The following USP42 variants were observed in gnomAD, a reference collection of about 807,000 sequenced individuals.
USP42 encodes ubiquitin carboxyl-terminal hydrolase 42.
A neutral mutation model predicts 113.0 loss-of-function variants in USP42; 23 were observed. The ratio of observed to expected loss-of-function variants is 0.20; its 90% confidence interval spans 0.15 to 0.29. The LOEUF is 0.29. Ranked by LOEUF, USP42 falls within the 10% of genes least tolerant of loss-of-function variation. The probability of loss-of-function intolerance (pLI) is 1.00; values close to 1 mark genes in which losing one functional copy is unlikely to be tolerated. For missense variants in USP42, 2,174 were observed against 1,779.8 expected, an observed-to-expected ratio of 1.22 and a Z score of -3.99; for synonymous variants, 933 against 699.0, an observed-to-expected ratio of 1.33 and a Z score of -5.28.
chr7:6,152,943 CT>C (rs1294744407), intron 14 of USP42: 1 of 977,414 alleles, frequency 1.0e-6, no homozygotes, highest in Non-Finnish European at 1.2e-6. Context: ...CATCACTGGA[CT>C]TTTTTTCTTT....
At chr7:6,108,981 A>G (rs1416040593) in intron 1 of USP42, among the ~76,000 whole-genome samples, 1 of 152,222 alleles carries the variant, frequency 6.6e-6, no homozygotes, top group Non-Finnish European at 1.5e-5. Context: ...GGATGTGAAT[A>G]AGAACATGGT....
chr7:6,105,530 G>T (rs10277939), intron 1 of USP42, among the ~76,000 whole-genome samples: 6,122 of 148,260 alleles, frequency 0.041, 435 homozygotes, highest in African/African-American at 0.14. Context: ...CCCCGGGCCG[G>T]CCTCCCCGCC....
rs1215350166 is a variant in USP42 at position 6,161,528 on chromosome 7, T to G, written c.*1010T>G. 6.6e-6 allele frequency: 1 copy of G among 152,658 alleles called. No individual in the cohort carries two copies. The highest frequency in any genetic ancestry group is 2.4e-5 in the African/African-American group (1 of 41,452). The allele number at this position is 152,658 out of a possible 1,614,324, so 9.5% of individuals were successfully genotyped here. On this transcript the variant is annotated 3_prime_UTR_variant, in exon 18 of 18. Coordinates refer to ENST00000306177, the MANE Select transcript of USP42 (RefSeq NM_032172.3). ...TGCCCCACTGTAAATATACAGCATG[T>G]AAAATTTCTATAGTATATAAATGGC... is the stretch of plus-strand genomic sequence containing the variant.
upstream of USP42, among the ~76,000 whole-genome samples, chr7:6,104,315 C>T (rs142148536): frequency 4.9e-3 from 752 of 151,948 alleles, 30 homozygotes; most frequent in African/African-American, 0.017. Flanking sequence ...AACTCCTGAC[C>T]TCGTGATCCG....
intron 1 of USP42, among the ~76,000 whole-genome samples, chr7:6,107,704 C>T (rs546153232): frequency 9.9e-5 from 15 of 152,016 alleles, no homozygotes; most frequent in African/African-American, 3.1e-4. Context: ...CACCTGCGCC[C>T]GGCCTCTTCT....
rs191930676 is a variant in USP42 at position 6,149,856 on chromosome 7, C to A, written c.1660C>A (p.Pro554Thr). The A allele has an allele frequency of 1.8e-4, 286 of 1,614,044 alleles. 1 individual carries two copies. In the East Asian group the frequency reaches 3.7e-3, roughly 21 times the overall value. The change falls in exon 13 of 18, where the codon CCC becomes ACC. Residue 554 changes from proline to threonine, a missense_variant. Coordinates refer to ENST00000306177, the MANE Select transcript of USP42 (RefSeq NM_032172.3). ...NSLENPTKPV[P>T]SSTITNSAVQ... Reference sequence around the variant, plus strand: ...TTTGGAGAACCCTACCAAGCCCGTTCCCTCTTCTACCATTACCAATTCTGC... The same window carrying A: ...TTTGGAGAACCCTACCAAGCCCGTTACCTCTTCTACCATTACCAATTCTGC...
At chr7:6,119,650 G>T (rs1435131982) in intron 3 of USP42, among the ~76,000 whole-genome samples, 1 of 152,142 alleles carries the variant, frequency 6.6e-6, no homozygotes, top group East Asian at 1.9e-4. Flanking sequence ...ATTATTTTCT[G>T]ACTCACAAGC....
intron 3 of USP42, among the ~76,000 whole-genome samples, chr7:6,134,015 C>T (rs1041737043): frequency 6.6e-5 from 10 of 151,798 alleles, no homozygotes; most frequent in Admixed American, 2.0e-4. Context: ...CTCAGCCTCC[C>T]GAGTAGCTGG....
chr7:6,151,444 TG>T (rs1782042561), intron 14 of USP42, among the ~76,000 whole-genome samples: 1 of 152,240 alleles, frequency 6.6e-6, no homozygotes, highest in African/African-American at 2.4e-5. Flanking sequence ...TTTTTTTGTT[TG>T]TTTTTTTGTT....
chr7:6,146,524 T>G (rs1247076167), intron 11 of USP42, among the ~76,000 whole-genome samples: 6 of 151,638 alleles, frequency 4.0e-5, no homozygotes, highest in African/African-American at 9.7e-5. Context: ...ATTAGCCAGG[T>G]GTGGTGTTGT....
In USP42 at chr7:6,159,435, A is replaced by AC. The variant is rs756403539; in HGVS notation, c.3944-13dup. 2 of 1,613,718 alleles carry AC rather than the reference A, an allele frequency of 1.2e-6. No homozygotes were observed. Among genetic ancestry groups the AC allele is most frequent in the Non-Finnish European group, 1.7e-6 (2 of 1,179,846 alleles). ...AACCATCATTAAAATCTCTTTCCTG[A>AC]CCTTTGCTTTCTAGGTGATTGAAAA... On this transcript the variant is annotated splice_polypyrimidine_tract_variant and intron_variant, in intron 16 of 17. Coordinates refer to ENST00000306177, the MANE Select transcript of USP42 (RefSeq NM_032172.3). The surrounding 1 kb of genome is among the most constrained non-coding windows in gnomAD (Gnocchi z 4.1).
At chr7:6,160,391 C>T (rs1230974072) in intron 17 of USP42, among the ~76,000 whole-genome samples, 164 bp from the exon 18 acceptor site, 5 of 151,086 alleles carry the variant, frequency 3.3e-5, no homozygotes, top group South Asian at 4.2e-4. Context: ...CTGCCCGCAC[C>T]GCCAGTTCCC....
chr7:6,107,863 A>C (rs1345333831), intron 1 of USP42, among the ~76,000 whole-genome samples: 2 of 152,126 alleles, frequency 1.3e-5, no homozygotes, highest in Non-Finnish European at 2.9e-5. Context: ...GATTGATTTA[A>C]ATTTTCAATT....
At chr7:6,097,596 C>CT in the USP42 span, among the ~76,000 whole-genome samples, 63 of 143,262 alleles carry the variant, frequency 4.4e-4, no homozygotes, top group South Asian at 6.5e-4. Flanking sequence ...TTTTTCTTTT[C>CT]TTTTTTTTTT....
Position 6,139,782 on chromosome 7 carries a change from T to A in USP42, c.657-346T>A, listed in dbSNP as rs2128504185. On this transcript the variant is annotated intron_variant, in intron 5 of 17. Coordinates refer to ENST00000306177, the MANE Select transcript of USP42 (RefSeq NM_032172.3). The surrounding 1 kb of genome is among the most constrained non-coding windows in gnomAD (Gnocchi z 4.5). ...TGACATACTTGGGTCGGAGGAAGAC[T>A]CTCTGCCTTTTCCGCCTCCGCTCCC... is the stretch of plus-strand genomic sequence containing the variant. 5.3e-6 allele frequency: 2 copies of A among 380,330 alleles called. No individual in the cohort carries two copies. Among genetic ancestry groups the A allele is most frequent in the South Asian group, 5.0e-5 (2 of 40,078 alleles). 23.6% of individuals were successfully genotyped at this position (380,330 alleles called of 1,614,324 possible).
At chr7:6,116,983 T>A in intron 3 of USP42, 1 of 424,110 alleles carries the variant, frequency 2.4e-6, no homozygotes. Flanking sequence ...GCTTGCTTCC[T>A]CCCTCCCTCC....
Position 6,149,923 on chromosome 7 carries a change from G to C in USP42, c.1727G>C (p.Ser576Thr), listed in dbSNP as rs772397133. 6.2e-7 allele frequency: 1 copy of C among 1,614,030 alleles called. No homozygotes were observed. The change falls in exon 13 of 18, where the codon AGT becomes ACT. Residue 576 changes from serine (S) to threonine (T), a missense_variant. By Grantham distance (58) the Ser-to-Thr change is moderately conservative. Transcript: ENST00000306177. ...AACGCATCTACGATGTCAGTTTCTA[G>C]TAAAGTAACAAAACCGATCCCCCGC... The part of the protein sequence containing the change: ...TSNASTMSVS[S>T]KVTKPIPRSE...
intron 3 of USP42, among the ~76,000 whole-genome samples, chr7:6,135,330 T>C (rs921132997): frequency 6.6e-6 from 1 of 152,126 alleles, no homozygotes; most frequent in African/African-American, 2.4e-5. Flanking sequence ...AGAGCTAATA[T>C]ATACTTATCA....
At chr7:6,151,369 G>C (rs947518806) in intron 14 of USP42, among the ~76,000 whole-genome samples, 3 of 152,236 alleles carry the variant, frequency 2.0e-5, no homozygotes, top group Admixed American at 1.3e-4. Flanking sequence ...ATTTTAAACT[G>C]TTTGACTCTT....
Sources: gnomAD v4.1 joint callset for allele counts (sites outside exome capture counted in the v4.1 genomes callset) on GRCh38, gnomAD v4.1.1 for gene constraint, Gnocchi (gnomAD v3.1) non-coding constraint, MANE v1.5 for transcripts, NCBI Gene and HGNC (gene_info 2026-07-23, HGNC 2026-07-21) for gene names.